The following ARMCX4 variants were observed in gnomAD, a reference collection of about 807,000 sequenced individuals.
ARMCX4 encodes the protein armadillo repeat-containing X-linked protein 4.
A neutral mutation model predicts 34.7 loss-of-function variants in ARMCX4; 3 were observed. The observed-to-expected ratio is 0.09, with a 90% CI of 0.04 to 0.22. The LOEUF (loss-of-function observed/expected upper bound fraction) is 0.22. Ranked by LOEUF, ARMCX4 falls within the 10% of genes least tolerant of loss-of-function variation. The pLI, the probability that ARMCX4 is intolerant of heterozygous loss-of-function variation, is 1.00. For missense variants in ARMCX4, 1,448 were observed against 1,720.8 expected (o/e 0.84, Z 2.81); for synonymous variants, 513 against 632.8 (o/e 0.81, Z 2.84).
chrX:101,426,813 TGAC>T (rs1443902203), intron 2 of ARMCX4, among the ~76,000 whole-genome samples: 1 of 111,871 alleles, frequency 8.9e-6, no homozygotes, highest in Non-Finnish European at 1.9e-5. Flanking sequence ...CCAGGTAGTC[TGAC>T]TCCAAAGCCC....
intron 2 of ARMCX4, among the ~76,000 whole-genome samples, chrX:101,423,664 C>T (rs1929423988): frequency 9.1e-6 from 1 of 110,202 alleles, no homozygotes. Context: ...CTTTTGCATG[C>T]TAATGAGATA....
At chrX:101,484,123 C>T (rs1221075570), upstream of ARMCX4, among the ~76,000 whole-genome samples, 1 of 111,647 alleles carries the variant, frequency 9.0e-6, no homozygotes, top group Admixed American at 9.5e-5. Flanking sequence ...GGATCCTGTA[C>T]ATTGCCCTTC....
chrX:101,459,394 G>T (rs1932499571), intron 4 of ARMCX4, among the ~76,000 whole-genome samples: 1 of 111,740 alleles, frequency 8.9e-6, no homozygotes, highest in Non-Finnish European at 1.9e-5. Flanking sequence ...CTGGGTGCCT[G>T]TGGGCCTTCA....
chrX:101,485,296 T>G (rs1556006374), upstream of ARMCX4: 2 of 110,797 alleles, frequency 1.8e-5, no homozygotes, highest in Non-Finnish European at 3.8e-5. Flanking sequence ...AACGGGGATG[T>G]CTGTGCGTGC....
At chrX:101,444,284 T>C (rs1603130255) in intron 3 of ARMCX4, 1 of 151,351 alleles carries the variant, frequency 6.6e-6, no homozygotes, top group East Asian at 1.9e-4. Flanking sequence ...AAACTTTAAT[T>C]GGGCTCATCT....
In ARMCX4 at chrX:101,477,430, C is replaced by CAAAAAAAAAA. The variant is rs1156582627; in HGVS notation, c.-472-8567_-472-8558dup. On this transcript the variant is annotated intron_variant and NMD_transcript_variant, in intron 4 of 15. Transcript: ENST00000433011. ...TGGGTGACAGAGCGAGACTCTGTCTCAAAAAAAAAAAAAAAAAAAAAAAAA... is the reference window on the plus strand; with the variant it reads ...TGGGTGACAGAGCGAGACTCTGTCTCAAAAAAAAAAAAAAAAAAAAAAAAAAAAAAAAAAA... Among the ~76,000 whole-genome samples the CAAAAAAAAAA allele has an allele frequency of 8.8e-4, 11 of 12,494 alleles. 1 individual carries two copies. The highest frequency in any genetic ancestry group is 2.1e-3 in the African/African-American group (7 of 3,368). 10.8% of individuals were successfully genotyped at this position (12,494 alleles called of 115,157 possible).
chrX:101,494,646 C>T lies in ARMCX4; in HGVS notation c.6057C>T (p.Thr2019=). The T allele has an allele frequency of 1.7e-6, 2 of 1,155,697 alleles. No homozygotes were observed. Among genetic ancestry groups the T allele is most frequent in the Non-Finnish European group, 2.3e-6 (2 of 872,894 alleles). The change falls in exon 6 of 6, where the codon ACC becomes ACT. Residue 2019 remains threonine, a synonymous_variant. Transcript: ENST00000423738. ...FPVEDESRKQ[T]RTGEKTRPWS... Reference sequence around the variant, plus strand: ...TTGAAGATGAGTCCAGAAAACAAACCAGGACTGGGGAAAAAACTCGGCCCT... The same window carrying T: ...TTGAAGATGAGTCCAGAAAACAAACTAGGACTGGGGAAAAAACTCGGCCCT...
upstream of ARMCX4, among the ~76,000 whole-genome samples, chrX:101,482,596 G>A (rs972807381): frequency 4.6e-5 from 5 of 108,922 alleles, no homozygotes; most frequent in South Asian, 4.0e-4. Flanking sequence ...TCCCTATGTC[G>A]GGAAACCTAT....
chrX:101,482,744 T>C (rs1933506854), upstream of ARMCX4, among the ~76,000 whole-genome samples: 2 of 111,009 alleles, frequency 1.8e-5, no homozygotes, highest in African/African-American at 6.6e-5. Context: ...GTGGGATTTG[T>C]ATGTAAAGTA....
At chrX:101,444,101 CAGTT>C (rs782121199) in exon 3 of ARMCX4, 4,388 of 328,488 alleles carry the variant, frequency 0.013, 41 homozygotes, top group Middle Eastern at 0.023. Context: ...TGTCTACAAA[CAGTT>C]AGAAGATGCA....
intron 4 of ARMCX4, among the ~76,000 whole-genome samples, chrX:101,455,652 T>C (rs1439838188): frequency 8.9e-6 from 1 of 112,032 alleles, no homozygotes; most frequent in Non-Finnish European, 1.9e-5. Context: ...AGAAGATATA[T>C]GAATACTTTT....
At chrX:101,427,544 A>T (rs1156327134) in intron 2 of ARMCX4, among the ~76,000 whole-genome samples, 1 of 110,285 alleles carries the variant, frequency 9.1e-6, no homozygotes, top group Non-Finnish European at 1.9e-5. Flanking sequence ...TGTCTGGCTA[A>T]TTTTTTTTGT....
At chrX:101,499,942 G>C (rs1418694464), downstream of ARMCX4, among the ~76,000 whole-genome samples, 1 of 111,977 alleles carries the variant, frequency 8.9e-6, no homozygotes, top group Non-Finnish European at 1.9e-5. Flanking sequence ...GTCAGCTTTT[G>C]ATCCACAATA....
intron 11 of ARMCX4, among the ~76,000 whole-genome samples, chrX:101,512,105 G>T (rs782072503): frequency 3.6e-5 from 4 of 111,163 alleles, no homozygotes; most frequent in Non-Finnish European, 7.6e-5. Flanking sequence ...TAATGGGCTG[G>T]GTGCGGCCGC....
At chrX:101,498,182 C>T (rs782567067), downstream of ARMCX4, 2 of 330,503 alleles carry the variant, frequency 6.1e-6, no homozygotes. Context: ...AAAAACGCTT[C>T]ATGCTGAACT....
At chrX:101,436,275 A>G (rs1555994747) in intron 2 of ARMCX4, among the ~76,000 whole-genome samples, 1 of 111,186 alleles carries the variant, frequency 9.0e-6, no homozygotes, top group Non-Finnish European at 1.9e-5. Flanking sequence ...CCTACCCATG[A>G]GCATGGAATG....
rs782379265 is a variant in ARMCX4 at position 101,494,939 on chromosome X, A to T, written c.6350A>T (p.His2117Leu). 9.5e-6 allele frequency: 11 copies of T among 1,153,972 alleles called. No homozygotes were observed. ...AATATCTCAGTGGCTGCTGAAAACC[A>T]TAGGAAGGTTAAAACTTACTTAAAC... ...LNNISVAAEN[H>L]RKVKTYLNQV... The change falls in exon 6 of 6, where the codon CAT (histidine) becomes CTT (leucine). Residue 2117 changes from histidine (H) to leucine (L), a missense_variant. His to Leu is a moderately conservative substitution (Grantham distance 99). Transcript: ENST00000423738.
chrX:101,534,141 T>C (rs988185794), downstream of ARMCX4, among the ~76,000 whole-genome samples: 1 of 112,139 alleles, frequency 8.9e-6, no homozygotes, highest in Non-Finnish European at 1.9e-5. Flanking sequence ...GACATATCCA[T>C]TCATTCAGTA....
At chrX:101,534,035 A>G (rs1350807933), downstream of ARMCX4, among the ~76,000 whole-genome samples, 1 of 111,753 alleles carries the variant, frequency 8.9e-6, no homozygotes, top group Non-Finnish European at 1.9e-5. Flanking sequence ...TATAAAAACA[A>G]CAAACAAAAT....
Sources: gnomAD v4.1 joint callset for allele counts (sites outside exome capture counted in the v4.1 genomes callset) on GRCh38, gnomAD v4.1.1 for gene constraint, MANE v1.5 for transcripts, NCBI Gene and HGNC (gene_info 2026-07-23, HGNC 2026-07-21) for gene names.